Variants in BRCA2 observed in about 807,000 individuals in gnomAD.
BRCA2 encodes breast cancer type 2 susceptibility protein.
BRCA2 carries 203 observed loss-of-function variants against 276.7 expected under a neutral mutation model. That is an observed-to-expected ratio of 0.73 (90% CI 0.65 to 0.82). BRCA2 has a LOEUF of 0.82. Ranked by LOEUF, BRCA2 falls within the 40% of genes least tolerant of loss-of-function variation. BRCA2 has a pLI of 0.00. For missense variants in BRCA2, 3,920 were observed against 3,915.0 expected (o/e 1.00, Z -0.03); for synonymous variants, 1,289 against 1,338.4 (o/e 0.96, Z 0.81).
At chr13:32,369,140 C>A (rs1340295761) in intron 18 of BRCA2, among the ~76,000 whole-genome samples, 1 of 152,080 alleles carries the variant, frequency 6.6e-6, no homozygotes, top group East Asian at 1.9e-4. Flanking sequence ...ATCTCACCCC[C>A]ACCCTGGCTG....
At position 32,356,588 on chromosome 13, in the gene BRCA2, C is replaced by G. The variant is rs748631472; in HGVS notation, c.7596C>G (p.Pro2532=). Residue 2532 remains proline, a synonymous_variant, in exon 15 of 27, where the codon CCC becomes CCG. Coordinates refer to ENST00000380152, the MANE Select transcript of BRCA2 (RefSeq NM_000059.4). ...SLKAAVGGQV[P]SACSHKQLYT... ...AAGCAGCAGTAGGAGGCCAAGTTCC[C>G]TCTGCGTGTTCTCATAAACAGGTAT... The G allele has an allele frequency of 8.1e-6, 13 of 1,614,098 alleles. No homozygotes were observed. The highest frequency in any genetic ancestry group is 1.1e-5 in the Non-Finnish European group (13 of 1,180,046).
intron 3 of BRCA2, among the ~76,000 whole-genome samples, chr13:32,323,621 AAATGAGACTAT>A (rs1431087054): frequency 2.0e-5 from 3 of 152,338 alleles, no homozygotes; most frequent in East Asian, 1.9e-4. Flanking sequence ...TTAACTTGAA[AAATGAGACTAT>A]AATGAGACAT....
rs11571745 is a variant in BRCA2 at position 32,370,848 on chromosome 13, C to T, written c.8488-108C>T. On this transcript the variant is annotated intron_variant, in intron 19 of 26. Coordinates refer to ENST00000380152, the MANE Select transcript of BRCA2 (RefSeq NM_000059.4). The stretch of plus-strand genomic sequence containing the variant: ...CCTCAGGTGATCCACTAATCTCAGC[C>T]TCCCAAAGTTCTGGGATTACAGATG... The T allele has an allele frequency of 4.3e-4, 600 of 1,396,934 alleles. 1 individual carries two copies. In the African/African-American group the frequency reaches 7.8e-3, roughly 18 times the overall value. The allele number at this position is 1,396,934 out of a possible 1,614,324, so 86.5% of individuals were successfully genotyped here.
chr13:32,383,712 G>A (rs2072940847), intron 24 of BRCA2, among the ~76,000 whole-genome samples: 1 of 151,974 alleles, frequency 6.6e-6, no homozygotes, highest in African/African-American at 2.4e-5. Context: ...TAGAAGACGT[G>A]GATCAATGAA....
intron 24 of BRCA2, among the ~76,000 whole-genome samples, chr13:32,383,725 G>C (rs1353665872): frequency 6.6e-6 from 1 of 152,134 alleles, no homozygotes; most frequent in East Asian, 1.9e-4. Flanking sequence ...TCAATGAACA[G>C]GAGATAAGAA....
chr13:32,392,664 G>A (rs943851330), intron 24 of BRCA2, among the ~76,000 whole-genome samples: 1 of 151,890 alleles, frequency 6.6e-6, no homozygotes, highest in Admixed American at 6.6e-5. Context: ...CAAAAATCGT[G>A]GAATTTCCAA....
At chr13:32,373,858 C>T (rs537620883) in intron 20 of BRCA2, among the ~76,000 whole-genome samples, 1 of 152,370 alleles carries the variant, frequency 6.6e-6, no homozygotes, top group East Asian at 1.9e-4. Flanking sequence ...CTCCCGGTTT[C>T]CCTCCTGTAC....
At position 32,398,843 on chromosome 13, in the gene BRCA2, A is replaced by C; in HGVS notation, c.*73A>C. 1 of 1,544,816 alleles carries C rather than the reference A, an allele frequency of 6.5e-7. No individual in the cohort carries two copies. Among genetic ancestry groups the C allele is most frequent in the Non-Finnish European group, 8.8e-7 (1 of 1,137,880 alleles). On this transcript the variant is annotated 3_prime_UTR_variant, in exon 27 of 27. Transcript: ENST00000380152. Reference sequence around the variant, plus strand: ...TTATAAGACTGGAATATAATTTCAAACCACACATTAGTACTTATGTTGCAC... The same window carrying C: ...TTATAAGACTGGAATATAATTTCAACCCACACATTAGTACTTATGTTGCAC...
intron 24 of BRCA2, among the ~76,000 whole-genome samples, chr13:32,383,321 C>A (rs550867508): frequency 6.6e-6 from 1 of 152,164 alleles, no homozygotes; most frequent in South Asian, 2.1e-4. Flanking sequence ...GATCACACCA[C>A]TGCACTCCAG....
intron 7 of BRCA2, among the ~76,000 whole-genome samples, chr13:32,327,529 G>A (rs1382594803): frequency 6.6e-6 from 1 of 151,802 alleles, no homozygotes; most frequent in Non-Finnish European, 1.5e-5. Context: ...AATTAGCTGG[G>A]CGTGGTGGCA....
intron 25 of BRCA2, chr13:32,396,676 C>CT: frequency 3.5e-6 from 2 of 566,806 alleles, no homozygotes; most frequent in Non-Finnish European, 6.3e-6. Flanking sequence ...GATACACATA[C>CT]TTTTTCTCTG....
intron 24 of BRCA2, among the ~76,000 whole-genome samples, chr13:32,390,880 C>G (rs1357819375): frequency 6.6e-6 from 1 of 152,196 alleles, no homozygotes; most frequent in Non-Finnish European, 1.5e-5. Flanking sequence ...GCATCTCATA[C>G]GGTCCTCATA....
rs41293521 is a variant in BRCA2 at position 32,394,724 on chromosome 13, T to C, written c.9292T>C (p.Tyr3098His). 363 of 1,613,898 alleles carry C rather than the reference T, an allele frequency of 2.2e-4. No individual in the cohort carries two copies. Among genetic ancestry groups the C allele is most frequent in the Admixed American group, 1.0e-3 (60 of 60,000 alleles). ...TTTCGTCTATTTGTCAGACGAATGT[T>C]ACAATTTACTGGCAATAAAGTTTTG... ...APFVYLSDEC[Y>H]NLLAIKFWID... Residue 3098 changes from tyrosine to histidine, a missense_variant, in exon 25 of 27, where the codon TAC becomes CAC. Tyr to His is a moderately conservative substitution (Grantham distance 83). This residue lies in a region of BRCA2 where 657 missense variants were observed against 758.2 expected (regional missense o/e 0.87). Transcript: ENST00000380152.
rs117850955 is a variant in BRCA2, at chr13:32,394,640, T to C, written c.9257-49T>C. ...AGTTTCCTTTCTTGCATCTTAAAAT[T>C]CATCTAACACATCTATAATAACATT... On this transcript the variant is annotated intron_variant, in intron 24 of 26. Coordinates refer to ENST00000380152, the MANE Select transcript of BRCA2 (RefSeq NM_000059.4). 5.6e-4 allele frequency: 893 copies of C among 1,582,442 alleles called. 7 individuals are homozygous for C. Among genetic ancestry groups the C allele is most frequent in the East Asian group, 1.2e-3 (54 of 44,746 alleles).
In BRCA2 at chr13:32,337,895, G is replaced by C. The variant is rs864622363; in HGVS notation, c.3540G>C (p.Lys1180Asn). 1.9e-6 allele frequency: 3 copies of C among 1,614,106 alleles called. No individual in the cohort carries two copies. The highest frequency in any genetic ancestry group is 4.5e-5 in the East Asian group (2 of 44,876). The change falls in exon 11 of 27, where the codon AAG (lysine) becomes AAC (asparagine). Residue 1180 changes from lysine to asparagine, a missense_variant. Lys to Asn is a moderately conservative substitution (Grantham distance 94, BLOSUM62 0). Transcript: ENST00000380152. ...APSIGQVDSSKQFEGTVEIKR... is the reference protein window; with the variant it reads ...APSIGQVDSSNQFEGTVEIKR... Reference sequence around the variant, plus strand: ...CGATTGGTCAGGTAGACAGCAGCAAGCAATTTGAAGGTACAGTTGAAATTA... The same window carrying C: ...CGATTGGTCAGGTAGACAGCAGCAACCAATTTGAAGGTACAGTTGAAATTA...
At chr13:32,362,338 T>A (rs2072742653) in intron 16 of BRCA2, among the ~76,000 whole-genome samples, 185 bp from the exon 17 acceptor site, 1 of 152,216 alleles carries the variant, frequency 6.6e-6, no homozygotes, top group African/African-American at 2.4e-5. Context: ...CAATGAAGTT[T>A]TTATCAGTAT....
intron 20 of BRCA2, among the ~76,000 whole-genome samples, chr13:32,373,650 C>T (rs953291449): frequency 2.0e-5 from 3 of 152,250 alleles, no homozygotes; most frequent in Non-Finnish European, 2.9e-5. Context: ...TGGGCTCCCA[C>T]GGCCTTGGGC....
chr13:32,383,625 A>C (rs1415204316), intron 24 of BRCA2, among the ~76,000 whole-genome samples: 1 of 152,218 alleles, frequency 6.6e-6, no homozygotes, highest in African/African-American at 2.4e-5. Context: ...CAAGAAGGGC[A>C]AAGAATTTGG....
chr13:32,326,411 T>G, intron 6 of BRCA2, 88 bp from the exon 7 acceptor site: 1 of 1,436,144 alleles, frequency 7.0e-7, no homozygotes. Context: ...TCAGTAAACG[T>G]TAAGTGAAAT....
Sources: allele counts gnomAD v4.1 joint callset (sites outside exome capture counted in the v4.1 genomes callset), GRCh38; gene constraint gnomAD v4.1.1; regional missense constraint gnomAD v4.1.1; transcripts MANE v1.5; gene names NCBI Gene and HGNC (gene_info 2026-07-23, HGNC 2026-07-21).